The following TSPAN18 variants were observed in gnomAD, a reference collection of about 807,000 sequenced individuals.
TSPAN18 encodes tetraspanin-18.
TSPAN18 carries 14 observed loss-of-function variants against 27.3 expected under a neutral mutation model. The ratio of observed to expected loss-of-function variants is 0.51; its 90% confidence interval spans 0.34 to 0.80. TSPAN18 has a LOEUF of 0.80. TSPAN18 is among the 30% of genes least tolerant of loss of function. The pLI, the probability that TSPAN18 is intolerant of heterozygous loss-of-function variation, is 0.01. For synonymous variants in TSPAN18, 143 were observed against 136.5 expected (o/e 1.05, Z -0.33); for missense variants, 268 against 323.9 (o/e 0.83, Z 1.32).
intron 2 of TSPAN18, among the ~76,000 whole-genome samples, chr11:44,826,295 A>G (rs1325204328): frequency 6.6e-6 from 1 of 152,202 alleles, no homozygotes; most frequent in African/African-American, 2.4e-5. Flanking sequence ...ATTGTGGTGC[A>G]TGCCTGTAAT....
chr11:44,731,294 T>C (rs1590397201), intron 1 of TSPAN18, among the ~76,000 whole-genome samples: 1 of 152,312 alleles, frequency 6.6e-6, no homozygotes, highest in African/African-American at 2.4e-5. Context: ...TGCGTGGTGG[T>C]TAAACTGCCT....
intron 2 of TSPAN18, among the ~76,000 whole-genome samples, chr11:44,780,547 G>A (rs1197407079): frequency 2.6e-5 from 4 of 152,216 alleles, no homozygotes; most frequent in Non-Finnish European, 4.4e-5. Flanking sequence ...CCCTGACAAA[G>A]CTTCCCTTCT....
At chr11:44,907,842 G>A (rs1196689954) in intron 4 of TSPAN18, among the ~76,000 whole-genome samples, 2 of 151,980 alleles carry the variant, frequency 1.3e-5, no homozygotes, top group Non-Finnish European at 2.9e-5. Context: ...ATCACCTGAG[G>A]TCAGGAGTTC....
At chr11:44,772,425 TG>T (rs113854997) in intron 2 of TSPAN18, among the ~76,000 whole-genome samples, 149,908 of 152,248 alleles carry the variant, frequency 0.98, 73,843 homozygotes, top group East Asian at 1. Flanking sequence ...CGTTATGACA[TG>T]GAAAATGTAA....
chr11:44,808,649 T>C (rs1856652238), intron 2 of TSPAN18, among the ~76,000 whole-genome samples: 1 of 152,090 alleles, frequency 6.6e-6, no homozygotes, highest in Admixed American at 6.5e-5. Context: ...CAGAAAGCAA[T>C]TTGAACATGA....
intron 1 of TSPAN18, among the ~76,000 whole-genome samples, chr11:44,731,401 A>G (rs1195143982): frequency 6.6e-6 from 1 of 152,178 alleles, no homozygotes; most frequent in Non-Finnish European, 1.5e-5. Context: ...GTAAAATGGA[A>G]CTAGTAATAC....
At chr11:44,920,837 G>A (rs1010628486) in intron 8 of TSPAN18, among the ~76,000 whole-genome samples, 9 of 152,218 alleles carry the variant, frequency 5.9e-5, no homozygotes, top group Admixed American at 1.3e-4. Flanking sequence ...CGAGGCTCAC[G>A]ATCTCATTAG....
chr11:44,763,653 C>A (rs1440330478), intron 1 of TSPAN18, among the ~76,000 whole-genome samples: 1 of 152,186 alleles, frequency 6.6e-6, no homozygotes, highest in Non-Finnish European at 1.5e-5. Flanking sequence ...GGAGTTCCCA[C>A]ACCAAGTTGA....
Position 44,918,032 on chromosome 11 carries a change from A to G in TSPAN18, c.319A>G (p.Ile107Val), listed in dbSNP as rs1423866381. 15 of 1,613,920 alleles carry G rather than the reference A, an allele frequency of 9.3e-6. No individual in the cohort carries two copies. Among genetic ancestry groups the G allele is most frequent in the Non-Finnish European group, 1.3e-5 (15 of 1,180,008 alleles). The change falls in exon 6 of 10, where the codon ATC becomes GTC. Residue 107 changes from isoleucine (I) to valine (V), a missense_variant. By Grantham distance (29) the Ile-to-Val change is conservative. Coordinates refer to ENST00000520358, the MANE Select transcript of TSPAN18 (RefSeq NM_130783.5). ...AELSAAILAF[I>V]FRENLTREFF... is the part of the protein sequence containing the mutation. ...GCTCTCAGCAGCCATCCTGGCCTTC[A>G]TCTTCAGGGAAAATGTACGTATCAG...
chr11:44,757,589 T>C (rs1855361295), intron 1 of TSPAN18, among the ~76,000 whole-genome samples: 1 of 152,174 alleles, frequency 6.6e-6, no homozygotes, highest in African/African-American at 2.4e-5. Context: ...TTTGCTATGT[T>C]GCCCAGGTGG....
intron 2 of TSPAN18, among the ~76,000 whole-genome samples, chr11:44,825,636 G>A (rs1210184254): frequency 6.6e-6 from 1 of 152,208 alleles, no homozygotes; most frequent in African/African-American, 2.4e-5. Flanking sequence ...ACAGGAGTCA[G>A]GGGCCATGCA....
chr11:44,920,851 A>G (rs997651163), intron 8 of TSPAN18, among the ~76,000 whole-genome samples: 1 of 152,176 alleles, frequency 6.6e-6, no homozygotes, highest in Non-Finnish European at 1.5e-5. Flanking sequence ...TCATTAGAGG[A>G]CGCGCAAGAT....
At chr11:44,922,453 G>T (rs571093103) in intron 8 of TSPAN18, among the ~76,000 whole-genome samples, 1 of 152,286 alleles carries the variant, frequency 6.6e-6, no homozygotes, top group Admixed American at 6.5e-5. Flanking sequence ...GCAGGCCCAT[G>T]GCAAGGATCT....
rs536262330 is a variant in TSPAN18, at chr11:44,798,131, C to T, written c.-153+33619C>T. On this transcript the variant is annotated intron_variant, in intron 2 of 9. Transcript: ENST00000520358. ...CTGTGTGCTCAGTGGCTGGCCGTCC[C>T]TGAAGAGGGTCAGAGAGGCCCGTGC... Among the ~76,000 whole-genome samples the T allele has an allele frequency of 2.6e-5, 4 of 152,316 alleles. 1 individual carries two copies. In the South Asian group the frequency reaches 6.2e-4, roughly 24 times the overall value.
chr11:44,846,592 C>CTCTGTGTG (rs1857488117), intron 2 of TSPAN18, among the ~76,000 whole-genome samples: 1 of 37,588 alleles, frequency 2.7e-5, no homozygotes, highest in East Asian at 2.6e-3. Context: ...AAGAGGCTGT[C>CTCTGTGTG]TGTGTGTGTG....
intron 2 of TSPAN18, among the ~76,000 whole-genome samples, chr11:44,798,552 G>A (rs1856403462): frequency 6.6e-6 from 1 of 152,224 alleles, no homozygotes; most frequent in Middle Eastern, 3.2e-3. Context: ...CCATGGCTAA[G>A]CCACTCTGGG....
intron 2 of TSPAN18, among the ~76,000 whole-genome samples, chr11:44,857,567 C>A (rs750012948): frequency 6.6e-6 from 1 of 152,180 alleles, no homozygotes; most frequent in Non-Finnish European, 1.5e-5. Flanking sequence ...AGGGAAAATG[C>A]CAGGCCAGGC....
At chr11:44,805,311 A>G (rs1856569153) in intron 2 of TSPAN18, among the ~76,000 whole-genome samples, 1 of 152,212 alleles carries the variant, frequency 6.6e-6, no homozygotes, top group South Asian at 2.1e-4. Context: ...GGATGTGGCT[A>G]AAGACAGGTG....
rs981464515 is a variant in TSPAN18, at chr11:44,887,876, G to C, written c.-10-18531G>C. Among the ~76,000 whole-genome samples the C allele has an allele frequency of 5.3e-5, 8 of 152,166 alleles. No homozygotes were observed. In the East Asian group the frequency reaches 1.5e-3, roughly 29 times the overall value. ...TAGTTCCCAGGCCCCCTTAATACCC[G>C]TGAAGCCATTAAATATTTAAATCTG... On this transcript the variant is annotated intron_variant, in intron 3 of 9. Coordinates refer to ENST00000520358, the MANE Select transcript of TSPAN18 (RefSeq NM_130783.5).
Sources: gnomAD v4.1 joint callset for allele counts (sites outside exome capture counted in the v4.1 genomes callset) on GRCh38, gnomAD v4.1.1 for gene constraint, MANE v1.5 for transcripts, NCBI Gene and HGNC (gene_info 2026-07-23, HGNC 2026-07-21) for gene names.